Variants in RASGEF1C observed in about 807,000 individuals in gnomAD.
The protein encoded by RASGEF1C is ras-GEF domain-containing family member 1C.
RASGEF1C carries 27 observed loss-of-function variants against 58.1 expected under a neutral mutation model. The ratio of observed to expected loss-of-function variants is 0.46; its 90% CI spans 0.34 to 0.64. The LOEUF is 0.64. Ranked by LOEUF, RASGEF1C falls within the 30% of genes least tolerant of loss-of-function variation. The pLI, the probability that RASGEF1C is intolerant of heterozygous loss-of-function variation, is 0.01. For missense variants in RASGEF1C, 502 were observed against 605.1 expected (o/e 0.83, Z 1.79); for synonymous variants, 243 against 246.3 (o/e 0.99, Z 0.13).
At chr5:180,169,349 A>G (rs1390527028) in intron 1 of RASGEF1C, among the ~76,000 whole-genome samples, 1 of 152,152 alleles carries the variant, frequency 6.6e-6, no homozygotes, top group Non-Finnish European at 1.5e-5. Context: ...GCCTCGGAGT[A>G]AGGGCCTTCA....
intron 12 of RASGEF1C, among the ~76,000 whole-genome samples, chr5:180,107,521 T>A (rs1257227935): frequency 6.6e-6 from 1 of 152,192 alleles, no homozygotes; most frequent in Non-Finnish European, 1.5e-5. Context: ...TGATGAGAAA[T>A]TTGACATGAT....
In RASGEF1C at chr5:180,119,228, C is replaced by T. The variant is rs778185747; in HGVS notation, c.907+118G>A. 26 of 879,834 alleles carry T rather than the reference C, an allele frequency of 3.0e-5. 2 individuals are homozygous for T. The highest frequency in any genetic ancestry group is 7.2e-5 in the South Asian group (5 of 68,968). The allele number at this position is 879,834 out of a possible 1,614,324, so 54.5% of individuals were successfully genotyped here. A position where few individuals can be genotyped will look rare whatever the true frequency, so the allele number is the denominator to read the frequency against. ...CCAGGCCTTCAGAGAGCCCGGCCCA[C>T]GCCCTCCCGCTGCTCAGAGGAGAGC... On this transcript the variant is annotated intron_variant, in intron 8 of 13. Transcript: ENST00000361132.
intron 1 of RASGEF1C, among the ~76,000 whole-genome samples, chr5:180,142,360 G>T (rs1270076865): frequency 6.6e-6 from 1 of 152,172 alleles, no homozygotes; most frequent in African/African-American, 2.4e-5. Context: ...TGCGGGGAGG[G>T]GTGGTATGCG....
In RASGEF1C at chr5:180,101,413, C is replaced by T; in HGVS notation, c.*88G>A. ...GCATTTGCAAAATAGTGAGGCACTC[C>T]CTGGCCTCTGCCCACTGGGCCACTG... is the stretch of plus-strand genomic sequence containing the variant. On this transcript the variant is annotated 3_prime_UTR_variant, in exon 14 of 14. Coordinates refer to ENST00000361132, the MANE Select transcript of RASGEF1C (RefSeq NM_175062.4). 6.5e-6 allele frequency: 10 copies of T among 1,534,184 alleles called. No individual in the cohort carries two copies. The highest frequency in any genetic ancestry group is 1.8e-4 in the Middle Eastern group (1 of 5,558).
intron 1 of RASGEF1C, among the ~76,000 whole-genome samples, chr5:180,181,464 G>A (rs1210939949): frequency 1.3e-5 from 2 of 152,180 alleles, no homozygotes; most frequent in Non-Finnish European, 2.9e-5. Flanking sequence ...TGAAGAGGAG[G>A]CCACACTGGA....
At chr5:180,173,296 G>A (rs1244704625) in intron 1 of RASGEF1C, among the ~76,000 whole-genome samples, 2 of 152,166 alleles carry the variant, frequency 1.3e-5, no homozygotes, top group East Asian at 3.9e-4. Context: ...CCCTCGACCT[G>A]GGGATGCCAC....
chr5:180,169,802 GGC>G, intron 1 of RASGEF1C, among the ~76,000 whole-genome samples: 1 of 45,348 alleles, frequency 2.2e-5, no homozygotes, highest in Non-Finnish European at 8.5e-5. Context: ...GACCCCATGG[GGC>G]TCCAAGCCCG....
chr5:180,185,956 G>A (rs1361067635), intron 1 of RASGEF1C, among the ~76,000 whole-genome samples: 1 of 151,988 alleles, frequency 6.6e-6, no homozygotes, highest in East Asian at 1.9e-4. Flanking sequence ...AAATTAGCCA[G>A]GCATGGTGGT....
intron 4 of RASGEF1C, among the ~76,000 whole-genome samples, chr5:180,132,220 T>G (rs371905773): frequency 1.3e-5 from 2 of 152,226 alleles, no homozygotes; most frequent in Admixed American, 6.5e-5. Flanking sequence ...CTGATCATAG[T>G]TGGGAGGCTG....
intron 6 of RASGEF1C, among the ~76,000 whole-genome samples, chr5:180,126,292 A>G (rs1237950109): frequency 6.6e-6 from 1 of 152,094 alleles, no homozygotes; most frequent in Non-Finnish European, 1.5e-5. Flanking sequence ...CTGTAGTCCC[A>G]GCTATTGGGG....
At chr5:180,131,845 T>C (rs1401619896) in intron 4 of RASGEF1C, among the ~76,000 whole-genome samples, 1 of 152,266 alleles carries the variant, frequency 6.6e-6, no homozygotes, top group Non-Finnish European at 1.5e-5. Context: ...TACTGTTGAA[T>C]GAACCAATAT....
chr5:180,176,666 C>T (rs550650689), intron 1 of RASGEF1C, among the ~76,000 whole-genome samples: 47 of 152,044 alleles, frequency 3.1e-4, no homozygotes, highest in African/African-American at 1.1e-3. Flanking sequence ...ACGCCATTCT[C>T]CTGTGTCAGC....
chr5:180,199,805 C>G (rs1756350712), intron 1 of RASGEF1C, among the ~76,000 whole-genome samples: 1 of 151,808 alleles, frequency 6.6e-6, no homozygotes, highest in Admixed American at 6.6e-5. Context: ...GCTGGGACTA[C>G]AGGTATCAGT....
intron 1 of RASGEF1C, among the ~76,000 whole-genome samples, chr5:180,169,321 C>T (rs77347625): frequency 0.033 from 4,978 of 152,202 alleles, 126 homozygotes; most frequent in South Asian, 0.097. Flanking sequence ...CCGAACAGGC[C>T]ATCCACACTC....
chr5:180,104,500 T>C (rs1037469669), intron 12 of RASGEF1C, among the ~76,000 whole-genome samples: 1 of 152,220 alleles, frequency 6.6e-6, no homozygotes, highest in East Asian at 1.9e-4. Flanking sequence ...AAACTGTAGA[T>C]ATATATATAT....
chr5:180,113,334 C>T (rs1289235285), intron 11 of RASGEF1C, among the ~76,000 whole-genome samples: 5 of 44,148 alleles, frequency 1.1e-4, no homozygotes, highest in Admixed American at 4.4e-4. Context: ...CGGGGATGGA[C>T]GGAGGGACCG....
At chr5:180,133,690 ATG>A (rs1263741557) in intron 4 of RASGEF1C, among the ~76,000 whole-genome samples, 1 of 150,168 alleles carries the variant, frequency 6.7e-6, no homozygotes. Context: ...GGAAAGCAAA[ATG>A]TGTGTGAGGA....
At chr5:180,114,225 C>T (rs1561731616) in intron 11 of RASGEF1C, among the ~76,000 whole-genome samples, 1 of 152,142 alleles carries the variant, frequency 6.6e-6, no homozygotes, top group African/African-American at 2.4e-5. Context: ...CTGTGCTGGC[C>T]GTGCGGCGCA....
At chr5:180,169,853 C>A (rs372394075) in intron 1 of RASGEF1C, among the ~76,000 whole-genome samples, 1 of 151,100 alleles carries the variant, frequency 6.6e-6, no homozygotes, top group South Asian at 2.1e-4. Flanking sequence ...TCGCCCTCCC[C>A]CTGTGCAGGC....
Sources: gnomAD v4.1 joint callset for allele counts (sites outside exome capture counted in the v4.1 genomes callset) on GRCh38, gnomAD v4.1.1 for gene constraint, MANE v1.5 for transcripts, NCBI Gene and HGNC (gene_info 2026-07-23, HGNC 2026-07-21) for gene names.